AKR1C1: variants seen among roughly 807,000 people sequenced by gnomAD.
AKR1C1 encodes the protein 20 alpha-hydroxysteroid dehydrogenase.
Under a neutral mutation model 40.6 loss-of-function variants are expected in AKR1C1, and 32 were observed. That is an observed-to-expected ratio of 0.79 (90% CI 0.60 to 1.06). The LOEUF (loss-of-function observed/expected upper bound fraction) is 1.06. Ranked by LOEUF, AKR1C1 falls within the 50% of genes least tolerant of loss-of-function variation. The pLI, the probability that AKR1C1 is intolerant of heterozygous loss-of-function variation, is 0.00. For missense variants in AKR1C1, 320 were observed against 363.5 expected (o/e 0.88, Z 0.97); for synonymous variants, 105 against 134.2 (o/e 0.78, Z 1.50).
At chr10:4,975,553 A>C (rs1355755005) in intron 7 of AKR1C1, among the ~76,000 whole-genome samples, 1 of 152,124 alleles carries the variant, frequency 6.6e-6, no homozygotes, top group African/African-American at 2.4e-5. Context: ...TTCTAGGTAC[A>C]TGACCCTATC....
rs138675307 is a variant in AKR1C1, at chr10:4,965,989, T to G, written c.160T>G (p.Leu54Val). The change falls in exon 2 of 9, where the codon TTA becomes GTA. Residue 54 changes from leucine (L) to valine (V), a missense_variant. Coordinates refer to ENST00000380872, the MANE Select transcript of AKR1C1 (RefSeq NM_001353.6). ...AGFRHIDSAH[L>V]YNNEEQVGLA... is the part of the protein sequence containing the mutation. ...CTTCCGCCATATTGATTCTGCTCAT[T>G]TATACAATAATGAGGAGCAGGTTGG... 1.1e-3 allele frequency: 1,851 copies of G among 1,614,186 alleles called. 4 individuals are homozygous for G. The highest frequency in any genetic ancestry group is 1.4e-3 in the Non-Finnish European group (1,643 of 1,180,000).
intron 7 of AKR1C1, among the ~76,000 whole-genome samples, chr10:4,974,992 A>C (rs1407635868): frequency 2.0e-5 from 3 of 152,116 alleles, no homozygotes; most frequent in Non-Finnish European, 2.9e-5. Flanking sequence ...AGAGAACTAA[A>C]TGTTTGACAA....
chr10:4,963,424 C>A lies in AKR1C1; in HGVS notation c.-21C>A. 3 of 1,613,768 alleles carry A rather than the reference C, an allele frequency of 1.9e-6. No individual in the cohort carries two copies. The highest frequency in any genetic ancestry group is 2.5e-6 in the Non-Finnish European group (3 of 1,179,656). ...TGAGGGAGGAAGAAAGAAACATTTG[C>A]CAGCCAGGCTAGTGACAGAAATGGA... On this transcript the variant is annotated 5_prime_UTR_variant, in exon 1 of 9. Transcript: ENST00000380872.
In AKR1C1 at chr10:4,973,247, A is replaced by G. The variant is rs553045159; in HGVS notation, c.846+498A>G. The stretch of plus-strand genomic sequence containing the variant: ...ATTTATACCAATACCTTAGGATATA[A>G]GACAAACCCACTTAATATAGAGGCT... On this transcript the variant is annotated intron_variant, in intron 7 of 8. Transcript: ENST00000380872. Among the ~76,000 whole-genome samples, 4 of 151,940 alleles carry G rather than the reference A, an allele frequency of 2.6e-5. No homozygotes were observed. The East Asian group carries it at 7.7e-4, about 29-fold the overall frequency.
rs1386309344 is a variant in AKR1C1 at position 4,967,154 on chromosome 10, TAGA to T, written c.369+119_369+121del. 7.4e-6 allele frequency: 9 copies of T among 1,221,940 alleles called. No individual in the cohort carries two copies. In the South Asian group the frequency reaches 1.1e-4, roughly 15 times the overall value. The allele number at this position is 1,221,940 out of a possible 1,614,324, so 75.7% of individuals were successfully genotyped here. On this transcript the variant is annotated intron_variant, in intron 3 of 8. Coordinates refer to ENST00000380872, the MANE Select transcript of AKR1C1 (RefSeq NM_001353.6). ...TTAGGAGGACATAGGGATTATAACATAGAAGAAGAATCCTAAATCTAACTCCTA... is the reference window on the plus strand; with the variant it reads ...TTAGGAGGACATAGGGATTATAACATAGAAGAATCCTAAATCTAACTCCTA...
At chr10:4,976,502 A>G (rs1836528052) in intron 8 of AKR1C1, among the ~76,000 whole-genome samples, 1 of 152,178 alleles carries the variant, frequency 6.6e-6, no homozygotes, top group South Asian at 2.1e-4. Context: ...ATTTGCCTCC[A>G]GAAAGTCTGT....
chr10:4,972,699 G>A lies in AKR1C1; in HGVS notation c.796G>A (p.Val266Met). 1 of 1,612,536 alleles carries A rather than the reference G, an allele frequency of 6.2e-7. No homozygotes were observed. Among genetic ancestry groups the A allele is most frequent in the Non-Finnish European group, 8.5e-7 (1 of 1,180,028 alleles). The change falls in exon 7 of 9, where the codon GTG becomes ATG. Residue 266 changes from valine (V) to methionine (M), a missense_variant. By Grantham distance (21) the Val-to-Met change is conservative. Transcript: ENST00000380872. ...ALRYQLQRGV[V>M]VLAKSYNEQR... is the part of the protein sequence containing the mutation. ...GCGCTACCAGCTACAGCGTGGGGTT[G>A]TGGTCCTGGCCAAGAGCTACAATGA...
intron 1 of AKR1C1, among the ~76,000 whole-genome samples, chr10:4,964,970 T>G (rs3925947): frequency 0.33 from 50,201 of 152,122 alleles, 9,208 homozygotes; most frequent in African/African-American, 0.48. Flanking sequence ...AGTAACTGCT[T>G]GTGCAAACTG....
rs561807530 is a variant in AKR1C1 at position 4,968,872 on chromosome 10, C to G, written c.498C>G (p.Ser166=). Residue 166 remains serine, a synonymous_variant, in exon 5 of 9, where the codon TCC becomes TCG. Transcript: ENST00000380872. ...GATTGGCCAAGTCCATCGGGGTGTC[C>G]AACTTCAACCGCAGGCAGCTGGAGA... ...DAGLAKSIGV[S]NFNRRQLEMI... is the part of the protein sequence containing the mutation. The G allele has an allele frequency of 2.5e-6, 4 of 1,614,158 alleles. No individual in the cohort carries two copies. In the East Asian group the frequency reaches 8.9e-5, roughly 36 times the overall value.
Position 4,964,616 on chromosome 10 carries a change from T to C in AKR1C1, c.84+1088T>C, listed in dbSNP as rs545867614. On this transcript the variant is annotated intron_variant, in intron 1 of 8. Coordinates refer to ENST00000380872, the MANE Select transcript of AKR1C1 (RefSeq NM_001353.6). ...GTTTTTGTCATTTAAAAGATATACT[T>C]TCAAATCTGTATCCAAATTTGTTAC... Among the ~76,000 whole-genome samples, 6 of 152,326 alleles carry C rather than the reference T, an allele frequency of 3.9e-5. 1 individual carries two copies. In the South Asian group the frequency reaches 1.2e-3, roughly 32 times the overall value.
Position 4,981,838 on chromosome 10 carries a change from G to C in AKR1C1, c.*4096G>C, listed in dbSNP as rs1346816193. 1.3e-5 allele frequency: 2 copies of C among 152,248 alleles called. No individual in the cohort carries two copies. Among genetic ancestry groups the C allele is most frequent in the African/African-American group, 4.8e-5 (2 of 41,438 alleles). 9.4% of individuals were successfully genotyped at this position (152,248 alleles called of 1,614,324 possible). ...ACAGAAGCTGGGTGTCCAGCCTTGT[G>C]GGCAGACCGGGAGGGATGTGGCCTG... is the stretch of plus-strand genomic sequence containing the variant. On this transcript the variant is annotated 3_prime_UTR_variant, in exon 9 of 9. Coordinates refer to ENST00000380872, the MANE Select transcript of AKR1C1 (RefSeq NM_001353.6).
At chr10:4,973,184 G>T (rs1301212014) in intron 7 of AKR1C1, among the ~76,000 whole-genome samples, 4 of 150,190 alleles carry the variant, frequency 2.7e-5, no homozygotes, top group African/African-American at 7.4e-5. Context: ...TTTTGGCGAG[G>T]TGGTTGTGTG....
rs1836607662 is a variant in AKR1C1 at position 4,981,087 on chromosome 10, C to T, written c.*3345C>T. On this transcript the variant is annotated 3_prime_UTR_variant, in exon 9 of 9. Coordinates refer to ENST00000380872, the MANE Select transcript of AKR1C1 (RefSeq NM_001353.6). ...GTTCTTGGTTGATTAGGTACCTTGT[C>T]GATAGGCAGTTCTAATTTCAAAGAA... 1 of 152,264 alleles carries T rather than the reference C, an allele frequency of 6.6e-6. No homozygotes were observed. Among genetic ancestry groups the T allele is most frequent in the Non-Finnish European group, 1.5e-5 (1 of 68,010 alleles). 9.4% of individuals were successfully genotyped at this position (152,264 alleles called of 1,614,324 possible).
At chr10:4,964,006 A>G (rs1836289626) in intron 1 of AKR1C1, 1 of 723,596 alleles carries the variant, frequency 1.4e-6, no homozygotes, top group African/African-American at 1.8e-5. Flanking sequence ...TTTCTCATGT[A>G]CTATTCTCAC....
In AKR1C1 at chr10:4,982,053, TCAA is replaced by T. The variant is rs1340815669; in HGVS notation, c.*4314_*4316del. The stretch of plus-strand genomic sequence containing the variant: ...CTGTGGGGGGCGCACGGCAAGCTAT[TCAA>T]CATTACGTACAGGCATTTGAGGTCG... On this transcript the variant is annotated 3_prime_UTR_variant, in exon 9 of 9. Transcript: ENST00000380872. 2 of 152,334 alleles carry T rather than the reference TCAA, an allele frequency of 1.3e-5. No individual in the cohort carries two copies. Among genetic ancestry groups the T allele is most frequent in the African/African-American group, 4.8e-5 (2 of 41,458 alleles). 9.4% of individuals were successfully genotyped at this position (152,334 alleles called of 1,614,324 possible). A position where few individuals can be genotyped will look rare whatever the true frequency, so the allele number is the denominator to read the frequency against.
At position 4,981,688 on chromosome 10, in the gene AKR1C1, C is replaced by T. The variant is rs1385003956; in HGVS notation, c.*3946C>T. The T allele has an allele frequency of 2.0e-5, 3 of 152,242 alleles. No individual in the cohort carries two copies. Among genetic ancestry groups the T allele is most frequent in the Non-Finnish European group, 4.4e-5 (3 of 68,074 alleles). 9.4% of individuals were successfully genotyped at this position (152,242 alleles called of 1,614,324 possible). A position where few individuals can be genotyped will look rare whatever the true frequency, so the allele number is the denominator to read the frequency against. On this transcript the variant is annotated 3_prime_UTR_variant, in exon 9 of 9. Transcript: ENST00000380872. The stretch of plus-strand genomic sequence containing the variant: ...GATTCTGAGGGGAGAGAGTTCACTC[C>T]AGAGCATACATCCCCACTGGGGATC...
chr10:4,966,247 A>C (rs554465478), intron 2 of AKR1C1, among the ~76,000 whole-genome samples, 166 bp downstream of exon 2: 3 of 152,246 alleles, frequency 2.0e-5, no homozygotes, highest in Non-Finnish European at 4.4e-5. Context: ...GGAAGTGAAG[A>C]TGGCTTTCTC....
chr10:4,974,582 T>A (rs1469432705), intron 7 of AKR1C1, among the ~76,000 whole-genome samples: 1 of 152,098 alleles, frequency 6.6e-6, no homozygotes, highest in Non-Finnish European at 1.5e-5. Flanking sequence ...TCTAATGGGA[T>A]TGACTTTTTA....
intron 1 of AKR1C1, chr10:4,965,643 C>CA: frequency 2.9e-6 from 1 of 345,968 alleles, no homozygotes; most frequent in Non-Finnish European, 5.2e-6. Context: ...TTAATTTTTC[C>CA]AAAAAATGAC....
Sources: allele counts gnomAD v4.1 joint callset (sites outside exome capture counted in the v4.1 genomes callset), GRCh38; gene constraint gnomAD v4.1.1; transcripts MANE v1.5; gene names NCBI Gene and HGNC (gene_info 2026-07-23, HGNC 2026-07-21).